Variants in NBEA observed in about 807,000 individuals in gnomAD.
The protein encoded by NBEA is lysosomal-trafficking regulator 2.
A neutral mutation model predicts 343.4 loss-of-function variants in NBEA; 44 were observed. That is an observed-to-expected ratio of 0.13 (90% CI 0.10 to 0.16). The LOEUF (loss-of-function observed/expected upper bound fraction) is 0.16. Ranked by LOEUF, NBEA falls within the 10% of genes least tolerant of loss-of-function variation. The pLI is 1.00. For missense variants in NBEA, 2,555 were observed against 3,631.3 expected (o/e 0.70, Z 7.62); for synonymous variants, 1,175 against 1,238.7 (o/e 0.95, Z 1.08).
At position 35,409,083 on chromosome 13, in the gene NBEA, C is replaced by T. The variant is rs141689355; in HGVS notation, c.6180-23186C>T. Reference sequence around the variant, plus strand: ...AGCACTATTCACAATAGGAAAGATACGGAATCAACCTAAATACCCATCAAT... The same window carrying T: ...AGCACTATTCACAATAGGAAAGATATGGAATCAACCTAAATACCCATCAAT... On this transcript the variant is annotated intron_variant, in intron 38 of 58. Transcript: ENST00000379939. Among the ~76,000 whole-genome samples the T allele has an allele frequency of 8.5e-4, 130 of 152,184 alleles. 3 individuals are homozygous for T. The East Asian group carries it at 0.02, about 23-fold the overall frequency.
chr13:35,184,054 G>A lies in NBEA; in HGVS notation c.4910G>A (p.Gly1637Asp), dbSNP rs753870478. Residue 1637 changes from glycine to aspartate, a missense_variant, in exon 30 of 59, where the codon GGC (glycine) becomes GAC (aspartate). Coordinates refer to ENST00000379939, the MANE Select transcript of NBEA (RefSeq NM_001385012.1). ...AAGTTAATTCCTGAGCAGAGCTTTG[G>A]CCACTCATTTTACAAAGGTAATACT... The part of the protein sequence containing the change: ...LAKLIPEQSF[G>D]HSFYKETPAA... 8 of 1,610,542 alleles carry A rather than the reference G, an allele frequency of 5.0e-6. No individual in the cohort carries two copies. The Admixed American group carries it at 8.4e-5, about 17-fold the overall frequency.
intron 40 of NBEA, among the ~76,000 whole-genome samples, chr13:35,452,513 C>A (rs899746530): frequency 6.6e-6 from 1 of 152,226 alleles, no homozygotes; most frequent in African/African-American, 2.4e-5. Context: ...TTATTCACAT[C>A]TTACGGCCTA....
intron 1 of NBEA, among the ~76,000 whole-genome samples, chr13:35,014,683 A>G (rs747938795): frequency 6.7e-5 from 10 of 150,168 alleles, no homozygotes; most frequent in Non-Finnish European, 1.2e-4. Flanking sequence ...TGCCAGCCCC[A>G]CTCTGCAAGG....
intron 1 of NBEA, among the ~76,000 whole-genome samples, chr13:35,015,006 G>C (rs1474938773): frequency 6.6e-6 from 1 of 151,344 alleles, no homozygotes; most frequent in African/African-American, 2.4e-5. Context: ...TCAGGACAGG[G>C]CCGCATCATC....
chr13:34,964,368 A>G (rs1354750620), intron 1 of NBEA, among the ~76,000 whole-genome samples: 2 of 152,028 alleles, frequency 1.3e-5, no homozygotes, highest in Non-Finnish European at 2.9e-5. Context: ...ATTCAGTAGC[A>G]TGATATACAT....
chr13:35,532,116 C>T (rs2078294145), intron 41 of NBEA, among the ~76,000 whole-genome samples: 1 of 152,066 alleles, frequency 6.6e-6, no homozygotes, highest in African/African-American at 2.4e-5. Flanking sequence ...TTTTTTAATG[C>T]TGCTTTGTAA....
At position 35,132,971 on chromosome 13, in the gene NBEA, A is replaced by T. The variant is rs74051270; in HGVS notation, c.2337-9298A>T. 2.0e-5 allele frequency among the ~76,000 whole-genome samples: 3 copies of T among 152,166 alleles called. No individual in the cohort carries two copies. In the East Asian group the frequency reaches 5.8e-4, roughly 29 times the overall value. On this transcript the variant is annotated intron_variant, in intron 17 of 58. Coordinates refer to ENST00000379939, the MANE Select transcript of NBEA (RefSeq NM_001385012.1). ...TAGTATTATCACCTTGGATTAAGGA[A>T]GGATTTCTAAAACAATAAATACACA...
chr13:35,388,890 G>T (rs2042370876), intron 38 of NBEA, among the ~76,000 whole-genome samples: 2 of 152,010 alleles, frequency 1.3e-5, no homozygotes, highest in Non-Finnish European at 2.9e-5. Flanking sequence ...GAGCACAGAG[G>T]TTTCATTTTG....
intron 38 of NBEA, among the ~76,000 whole-genome samples, chr13:35,387,578 G>C (rs995240166): frequency 2.6e-5 from 4 of 152,076 alleles, no homozygotes; most frequent in African/African-American, 9.7e-5. Flanking sequence ...GAAAAGATTT[G>C]ATTAACAGCA....
chr13:35,497,034 C>T (rs76476362), intron 41 of NBEA, among the ~76,000 whole-genome samples: 11 of 152,050 alleles, frequency 7.2e-5, no homozygotes, highest in East Asian at 1.9e-4. Context: ...CTGTGAATTA[C>T]GCAAATAGCT....
chr13:35,021,574 A>G (rs1229654368), intron 1 of NBEA, among the ~76,000 whole-genome samples: 2 of 151,618 alleles, frequency 1.3e-5, no homozygotes, highest in African/African-American at 4.8e-5. Context: ...GATTAATTGA[A>G]TATTTGTTAT....
intron 1 of NBEA, among the ~76,000 whole-genome samples, chr13:34,994,299 T>C (rs2060867254): frequency 6.6e-6 from 1 of 151,706 alleles, no homozygotes; most frequent in South Asian, 2.1e-4. Context: ...AGGGATGCCT[T>C]ACATTAATTT....
intron 1 of NBEA, among the ~76,000 whole-genome samples, chr13:34,949,999 A>T (rs2152482730): frequency 6.6e-6 from 1 of 152,226 alleles, no homozygotes; most frequent in Admixed American, 6.5e-5. Flanking sequence ...AATGTTATAG[A>T]TTTCTGACGG....
chr13:35,312,069 A>G (rs1401965219), intron 36 of NBEA, among the ~76,000 whole-genome samples: 1 of 152,222 alleles, frequency 6.6e-6, no homozygotes, highest in South Asian at 2.1e-4. Context: ...AACACCCACT[A>G]CATGTCAAAT....
intron 38 of NBEA, among the ~76,000 whole-genome samples, chr13:35,395,929 T>C (rs138152924): frequency 3.5e-4 from 54 of 152,350 alleles, no homozygotes; most frequent in African/African-American, 1.2e-3. Flanking sequence ...AAGCAAACTT[T>C]GTCTGATAAT....
intron 45 of NBEA, among the ~76,000 whole-genome samples, chr13:35,581,210 A>G (rs552947257): frequency 3.9e-5 from 6 of 152,212 alleles, no homozygotes; most frequent in African/African-American, 1.2e-4. Flanking sequence ...GACTTCCACA[A>G]TGGTTGAACT....
At chr13:35,613,359 T>G (rs2082604521) in intron 48 of NBEA, among the ~76,000 whole-genome samples, 1 of 151,142 alleles carries the variant, frequency 6.6e-6, no homozygotes, top group Non-Finnish European at 1.5e-5. Context: ...TCATCCATGT[T>G]GCCACAAATG....
At chr13:35,037,655 T>C (rs184894298) in intron 1 of NBEA, among the ~76,000 whole-genome samples, 1 of 152,318 alleles carries the variant, frequency 6.6e-6, no homozygotes, top group African/African-American at 2.4e-5. Context: ...GAATCTCTTG[T>C]TCTCTTTCCT....
intron 36 of NBEA, among the ~76,000 whole-genome samples, chr13:35,328,018 A>T (rs916445756): frequency 1.3e-5 from 2 of 151,962 alleles, no homozygotes; most frequent in African/African-American, 4.8e-5. Context: ...GACAGACAAA[A>T]TGCTTTCCTT....
Sources: allele counts gnomAD v4.1 joint callset (sites outside exome capture counted in the v4.1 genomes callset), GRCh38; gene constraint gnomAD v4.1.1; transcripts MANE v1.5; gene names NCBI Gene and HGNC (gene_info 2026-07-23, HGNC 2026-07-21).